The following PTCHD4 variants were observed in gnomAD, a reference collection of about 807,000 sequenced individuals.
PTCHD4 encodes patched domain-containing protein 4.
Under a neutral mutation model 58.1 loss-of-function variants are expected in PTCHD4, and 33 were observed. That is an observed-to-expected ratio of 0.57 (90% confidence interval 0.43 to 0.76). PTCHD4 has a LOEUF of 0.76. Ranked by LOEUF, PTCHD4 falls within the 30% of genes least tolerant of loss-of-function variation. PTCHD4 has a pLI of 0.00. For missense variants in PTCHD4, 1,058 were observed against 1,027.1 expected (o/e 1.03, Z -0.41); for synonymous variants, 478 against 409.6 (o/e 1.17, Z -2.02).
Position 47,859,833 on chromosome 6 carries a change from C to T in PTCHD4, c.*18470G>A, listed in dbSNP as rs1208316826. Among the ~76,000 whole-genome samples the T allele has an allele frequency of 6.6e-6, 1 of 151,880 alleles. No homozygotes were observed. The highest frequency in any genetic ancestry group is 1.5e-5 in the Non-Finnish European group (1 of 67,938). On this transcript the variant is annotated 3_prime_UTR_variant, in exon 5 of 5. Transcript: ENST00000339488. ...AGATGTGAGGGAGGAAGATCTGTGG[C>T]TAACTGGGGGAAGAAGAGCATTCAG... is the stretch of plus-strand genomic sequence containing the variant.
At chr6:48,034,951 C>A (rs1464751942) in intron 3 of PTCHD4, among the ~76,000 whole-genome samples, 1 of 152,132 alleles carries the variant, frequency 6.6e-6, no homozygotes, top group Non-Finnish European at 1.5e-5. Flanking sequence ...TACACACATT[C>A]TGCGTTCACT....
At chr6:48,031,068 C>T (rs542132509) in intron 3 of PTCHD4, among the ~76,000 whole-genome samples, 1 of 152,240 alleles carries the variant, frequency 6.6e-6, no homozygotes, top group African/African-American at 2.4e-5. Flanking sequence ...AAACTTAAGT[C>T]AGGCTCCTGA....
chr6:47,930,024 A>C (rs1765756926), intron 4 of PTCHD4, among the ~76,000 whole-genome samples: 1 of 152,138 alleles, frequency 6.6e-6, no homozygotes, highest in South Asian at 2.1e-4. Context: ...CTGCAGTCTT[A>C]CTCTCAAGCT....
rs567375564 is a variant in PTCHD4 at position 48,045,418 on chromosome 6, C to T, written c.417+22812G>A. ...TCAGGTTTTGATTATTCTAGCAATGCCTCTACCCACAAAAGATGGCTCATT... is the reference window on the plus strand; with the variant it reads ...TCAGGTTTTGATTATTCTAGCAATGTCTCTACCCACAAAAGATGGCTCATT... On this transcript the variant is annotated intron_variant, in intron 3 of 4. Coordinates refer to ENST00000339488, the MANE Select transcript of PTCHD4 (RefSeq NM_001384253.1). 3.3e-5 allele frequency among the ~76,000 whole-genome samples: 5 copies of T among 151,882 alleles called. No individual in the cohort carries two copies. In the South Asian group the frequency reaches 8.3e-4, roughly 25 times the overall value.
At chr6:47,957,515 T>G (rs1187872650) in intron 4 of PTCHD4, among the ~76,000 whole-genome samples, 1 of 151,248 alleles carries the variant, frequency 6.6e-6, no homozygotes, top group Admixed American at 6.6e-5. Flanking sequence ...GTTCCTATCC[T>G]ACTCCCTCCA....
intron 4 of PTCHD4, among the ~76,000 whole-genome samples, chr6:47,946,636 C>T (rs1325918144): frequency 6.6e-6 from 1 of 152,094 alleles, no homozygotes; most frequent in Non-Finnish European, 1.5e-5. Flanking sequence ...TGCAATATGG[C>T]TATTTTAACC....
Position 47,865,993 on chromosome 6 carries a change from G to A in PTCHD4, c.*12310C>T, listed in dbSNP as rs1763554211. Among the ~76,000 whole-genome samples the A allele has an allele frequency of 6.6e-6, 1 of 151,350 alleles. No homozygotes were observed. Among genetic ancestry groups the A allele is most frequent in the African/African-American group, 2.4e-5 (1 of 41,312 alleles). On this transcript the variant is annotated 3_prime_UTR_variant, in exon 5 of 5. Coordinates refer to ENST00000339488, the MANE Select transcript of PTCHD4 (RefSeq NM_001384253.1). Reference sequence around the variant, plus strand: ...GCATGTTATGGCTTTGCTCAGTCTGGTCCCGTCACATGGGGTGCTCAGGCC... The same window carrying A: ...GCATGTTATGGCTTTGCTCAGTCTGATCCCGTCACATGGGGTGCTCAGGCC...
At chr6:48,105,415 C>G (rs1213608144) in intron 1 of PTCHD4, among the ~76,000 whole-genome samples, 1 of 152,124 alleles carries the variant, frequency 6.6e-6, no homozygotes, top group Non-Finnish European at 1.5e-5. Context: ...AACAAAGGCA[C>G]AACATACCAG....
intron 1 of PTCHD4, among the ~76,000 whole-genome samples, chr6:48,073,163 G>A (rs894587837): frequency 1.4e-4 from 21 of 152,138 alleles, no homozygotes; most frequent in Admixed American, 1.3e-3. Flanking sequence ...GGTGCATTTA[G>A]GGACCAATTA....
chr6:47,944,016 G>C (rs536487011), intron 4 of PTCHD4, among the ~76,000 whole-genome samples: 15 of 152,034 alleles, frequency 9.9e-5, no homozygotes, highest in African/African-American at 3.4e-4. Context: ...TTCTACTTTT[G>C]CACACACCAT....
intron 4 of PTCHD4, among the ~76,000 whole-genome samples, chr6:47,963,763 A>G (rs1283749780): frequency 1.3e-5 from 2 of 152,078 alleles, no homozygotes; most frequent in Non-Finnish European, 2.9e-5. Flanking sequence ...AAGTGTGCTG[A>G]TTTTTTAATC....
In PTCHD4 at chr6:47,901,653, T is replaced by A. The variant is rs932049186; in HGVS notation, c.899-21717A>T. Reference sequence around the variant, plus strand: ...GTATGGGTTACAGACACACAGCTGTTAAGCACAGGGAGGAAAGAAATACCT... The same window carrying A: ...GTATGGGTTACAGACACACAGCTGTAAAGCACAGGGAGGAAAGAAATACCT... On this transcript the variant is annotated intron_variant, in intron 4 of 4. Coordinates refer to ENST00000339488, the MANE Select transcript of PTCHD4 (RefSeq NM_001384253.1). 6 of 1,134,272 alleles carry A rather than the reference T, an allele frequency of 5.3e-6. No individual in the cohort carries two copies. The African/African-American group carries it at 9.7e-5, about 18-fold the overall frequency. The allele number at this position is 1,134,272 out of a possible 1,614,324, so 70.3% of individuals were successfully genotyped here. A position where few individuals can be genotyped will look rare whatever the true frequency, so the allele number is the denominator to read the frequency against.
rs1267323475 is a variant in PTCHD4 at position 47,856,957 on chromosome 6, A to G, written c.*21346T>C. Among the ~76,000 whole-genome samples the G allele has an allele frequency of 6.6e-6, 1 of 152,072 alleles. No homozygotes were observed. Among genetic ancestry groups the G allele is most frequent in the Non-Finnish European group, 1.5e-5 (1 of 67,986 alleles). On this transcript the variant is annotated 3_prime_UTR_variant, in exon 5 of 5. Transcript: ENST00000339488. ...TATTCATATTTAAATAATGATATTA[A>G]TAATTGGTAATGAATCAAAACTGCC...
At chr6:47,888,252 G>A (rs1764256263) in intron 4 of PTCHD4, among the ~76,000 whole-genome samples, 1 of 152,192 alleles carries the variant, frequency 6.6e-6, no homozygotes, top group South Asian at 2.1e-4. Context: ...AGCTACTTGG[G>A]AGGCTGAGGC....
intron 4 of PTCHD4, among the ~76,000 whole-genome samples, chr6:47,996,648 A>C (rs1261309047): frequency 6.6e-6 from 1 of 152,194 alleles, no homozygotes; most frequent in Admixed American, 6.5e-5. Context: ...TTCTTATTTA[A>C]TAGAAACAGC....
intron 1 of PTCHD4, among the ~76,000 whole-genome samples, chr6:48,107,693 C>T (rs1173099789): frequency 2.0e-5 from 3 of 151,706 alleles, no homozygotes; most frequent in South Asian, 4.2e-4. Flanking sequence ...ATTTTTGCAA[C>T]CTACTCATCT....
intron 4 of PTCHD4, among the ~76,000 whole-genome samples, chr6:47,943,356 C>T (rs1304160867): frequency 2.0e-5 from 3 of 151,932 alleles, no homozygotes; most frequent in South Asian, 4.2e-4. Context: ...CCTAAGAATA[C>T]CCTTATTTTT....
intron 4 of PTCHD4, among the ~76,000 whole-genome samples, chr6:47,967,877 T>C (rs1341561553): frequency 6.6e-6 from 1 of 152,224 alleles, no homozygotes; most frequent in African/African-American, 2.4e-5. Context: ...ATGTTGTGGC[T>C]GGTTTGATCT....
intron 4 of PTCHD4, among the ~76,000 whole-genome samples, chr6:47,981,958 C>G (rs994810486): frequency 8.5e-6 from 1 of 118,036 alleles, no homozygotes; most frequent in African/African-American, 2.6e-5. Flanking sequence ...AGATAAGGCT[C>G]TCTTGGGACA....
Sources: gnomAD v4.1 joint callset for allele counts (sites outside exome capture counted in the v4.1 genomes callset) on GRCh38, gnomAD v4.1.1 for gene constraint, MANE v1.5 for transcripts, NCBI Gene and HGNC (gene_info 2026-07-23, HGNC 2026-07-21) for gene names.